The following LURAP1L variants were observed in gnomAD, a reference collection of about 807,000 sequenced individuals.
LURAP1L encodes leucine rich adaptor protein 1 like, also known as leucine rich adaptor protein 1-like.
In LURAP1L, 12 loss-of-function variants were observed where a neutral mutation model predicts 13.8. That is an observed-to-expected ratio of 0.87 (90% CI 0.56 to 1.41). The LOEUF is 1.41. LURAP1L is among the 40% of genes most tolerant of loss of function. The pLI, the probability that LURAP1L is intolerant of heterozygous loss-of-function variation, is 0.00. For missense variants in LURAP1L, 375 were observed against 292.9 expected (o/e 1.28, Z -2.04); for synonymous variants, 139 against 119.2 (o/e 1.17, Z -1.08).
chr9:12,776,123 C>A, intron 1 of LURAP1L, 96 bp downstream of exon 1: 2 of 1,285,774 alleles, frequency 1.6e-6, no homozygotes, highest in Non-Finnish European at 2.2e-6. Flanking sequence ...ACGGCAGGGG[C>A]TGCAGAGCGG....
chr9:12,819,009 G>T (rs1002377166), intron 1 of LURAP1L, among the ~76,000 whole-genome samples: 1 of 152,240 alleles, frequency 6.6e-6, no homozygotes, highest in Non-Finnish European at 1.5e-5. Context: ...CTTGTAACTT[G>T]ACCATTGTCT....
intron 1 of LURAP1L, among the ~76,000 whole-genome samples, chr9:12,782,252 T>A (rs2118464633): frequency 6.6e-6 from 1 of 152,350 alleles, no homozygotes; most frequent in East Asian, 1.9e-4. Flanking sequence ...GCAGAAGTTT[T>A]TAACTTGATG....
At chr9:12,792,487 C>A (rs1430157823) in intron 1 of LURAP1L, among the ~76,000 whole-genome samples, 1 of 152,060 alleles carries the variant, frequency 6.6e-6, no homozygotes, top group Non-Finnish European at 1.5e-5. Context: ...ATGAATGTAA[C>A]ATTTGCAGCA....
chr9:12,805,268 T>C lies in LURAP1L; in HGVS notation c.313-16118T>C, dbSNP rs541386851. ...GAGAATTCTGGGACTATTAAATTTG[T>C]ACAAGTATTTAATAGACTCTAATAT... is the stretch of plus-strand genomic sequence containing the variant. On this transcript the variant is annotated intron_variant, in intron 1 of 1. Transcript: ENST00000319264. Among the ~76,000 whole-genome samples, 10 of 152,272 alleles carry C rather than the reference T, an allele frequency of 6.6e-5. No homozygotes were observed. The South Asian group carries it at 2.1e-3, about 32-fold the overall frequency.
intron 1 of LURAP1L, among the ~76,000 whole-genome samples, chr9:12,781,487 C>T (rs899747351): frequency 6.6e-6 from 1 of 152,170 alleles, no homozygotes. Flanking sequence ...TTAGCTCCCA[C>T]GAATAAGTGA....
At chr9:12,792,237 C>G (rs1819450114) in intron 1 of LURAP1L, among the ~76,000 whole-genome samples, 1 of 152,014 alleles carries the variant, frequency 6.6e-6, no homozygotes, top group Non-Finnish European at 1.5e-5. Context: ...AAAACAATTG[C>G]CTTGCAATAG....
At chr9:12,794,114 G>A (rs1819481935) in intron 1 of LURAP1L, among the ~76,000 whole-genome samples, 2 of 152,068 alleles carry the variant, frequency 1.3e-5, no homozygotes, top group Non-Finnish European at 1.5e-5. Context: ...TACAGAGACT[G>A]AGTGATTCGC....
At position 12,775,895 on chromosome 9, in the gene LURAP1L, C is replaced by G. The variant is rs75227666; in HGVS notation, c.180C>G (p.Ser60Arg). The G allele has an allele frequency of 4.6e-6, 4 of 878,954 alleles. No individual in the cohort carries two copies. Among genetic ancestry groups the G allele is most frequent in the African/African-American group, 1.7e-5 (1 of 57,408 alleles). The allele number at this position is 878,954 out of a possible 1,614,324, so 54.4% of individuals were successfully genotyped here. A position where few individuals can be genotyped will look rare whatever the true frequency, so the allele number is the denominator to read the frequency against. Residue 60 changes from serine (S) to arginine (R), a missense_variant, in exon 1 of 2, where the codon AGC (serine) becomes AGG (arginine). Ser to Arg is a moderately radical substitution (Grantham distance 110). Transcript: ENST00000319264. Reference sequence around the variant, plus strand: ...GCGGCGGCGGCTGCAGTAGCAGCAGCAGCTACTGCAGCTTCCCTCCCTCCT... The same window carrying G: ...GCGGCGGCGGCTGCAGTAGCAGCAGGAGCTACTGCAGCTTCCCTCCCTCCT... ...GGGGGGCSSS[S>R]SYCSFPPSLS...
chr9:12,788,194 A>AGAAAG lies in LURAP1L; in HGVS notation c.312+12167_312+12168insGAAAG, dbSNP rs1554657448. Among the ~76,000 whole-genome samples, 343 of 151,528 alleles carry AGAAAG rather than the reference A, an allele frequency of 2.3e-3. 4 individuals are homozygous for AGAAAG. In the East Asian group the frequency reaches 0.023, roughly 10 times the overall value. ...AAGAAAGAAAGAAAGAAAGAAAGAA[A>AGAAAG]AGAAAAGAAAAGAAAAGCTCAATGT... On this transcript the variant is annotated intron_variant, in intron 1 of 1. Coordinates refer to ENST00000319264, the MANE Select transcript of LURAP1L (RefSeq NM_203403.2).
intron 1 of LURAP1L, among the ~76,000 whole-genome samples, chr9:12,797,621 T>C (rs1159080765): frequency 3.3e-5 from 5 of 152,170 alleles, no homozygotes; most frequent in Non-Finnish European, 5.9e-5. Flanking sequence ...TTTATTATTG[T>C]AACTTTGTTT....
chr9:12,806,266 G>T (rs1158248659), intron 1 of LURAP1L, among the ~76,000 whole-genome samples: 1 of 152,166 alleles, frequency 6.6e-6, no homozygotes. Flanking sequence ...AGTAGGCTGT[G>T]TAGGTTGTAT....
At chr9:12,790,273 C>G (rs1405371609) in intron 1 of LURAP1L, among the ~76,000 whole-genome samples, 2 of 152,124 alleles carry the variant, frequency 1.3e-5, no homozygotes, top group African/African-American at 4.8e-5. Flanking sequence ...ATCTTTTTCT[C>G]CTGCAGCATA....
intron 1 of LURAP1L, among the ~76,000 whole-genome samples, chr9:12,778,136 G>T (rs1340463676): frequency 4.6e-5 from 7 of 152,120 alleles, no homozygotes; most frequent in Non-Finnish European, 7.3e-5. Context: ...ATGGTCCTCT[G>T]GTCTGGTGGA....
At chr9:12,791,925 C>T (rs1262100057) in intron 1 of LURAP1L, among the ~76,000 whole-genome samples, 2 of 152,060 alleles carry the variant, frequency 1.3e-5, no homozygotes, top group Non-Finnish European at 2.9e-5. Flanking sequence ...TCAGACCTGT[C>T]CTAGGAATAT....
chr9:12,786,547 C>CATATATATATATATATATATATATAT (rs67654649), intron 1 of LURAP1L, among the ~76,000 whole-genome samples: 4 of 53,004 alleles, frequency 7.5e-5, no homozygotes, highest in Non-Finnish European at 1.3e-4. Flanking sequence ...ATATATATGA[C>CATATATATATATATATATATATATAT]ATATATATAT....
intron 1 of LURAP1L, among the ~76,000 whole-genome samples, chr9:12,777,936 A>T (rs2118452280): frequency 6.6e-6 from 1 of 152,318 alleles, no homozygotes; most frequent in African/African-American, 2.4e-5. Flanking sequence ...GTGGAAAAGT[A>T]ATTGCTGTTT....
intron 1 of LURAP1L, among the ~76,000 whole-genome samples, chr9:12,808,239 T>A (rs985214808): frequency 6.6e-6 from 1 of 152,158 alleles, no homozygotes; most frequent in African/African-American, 2.4e-5. Context: ...TTTTAAAATA[T>A]TACTTGCAAG....
At chr9:12,779,643 C>G (rs1173698792) in intron 1 of LURAP1L, among the ~76,000 whole-genome samples, 1 of 152,130 alleles carries the variant, frequency 6.6e-6, no homozygotes, top group Admixed American at 6.5e-5. Flanking sequence ...GTTTATTGAG[C>G]TAATGCTGAA....
intron 1 of LURAP1L, among the ~76,000 whole-genome samples, chr9:12,796,762 A>C (rs905897857): frequency 2.0e-5 from 3 of 152,060 alleles, no homozygotes; most frequent in Non-Finnish European, 4.4e-5. Flanking sequence ...AAGCAGATTA[A>C]GCATGTGAAC....
Sources: gnomAD v4.1 joint callset for allele counts (sites outside exome capture counted in the v4.1 genomes callset) on GRCh38, gnomAD v4.1.1 for gene constraint, MANE v1.5 for transcripts, NCBI Gene and HGNC (gene_info 2026-07-23, HGNC 2026-07-21) for gene names.